The following C3orf20 variants were observed in gnomAD, a reference collection of about 807,000 sequenced individuals.
C3orf20 encodes family with sequence similarity 149 member C.
Under a neutral mutation model 88.3 loss-of-function variants are expected in C3orf20, and 76 were observed. The ratio of observed to expected loss-of-function variants is 0.86; its 90% CI spans 0.72 to 1.04. The LOEUF (loss-of-function observed/expected upper bound fraction) is 1.04, where lower values mean the gene tolerates loss of function less well. C3orf20 is among the 50% of genes least tolerant of loss of function. The pLI is 0.00. For missense variants in C3orf20, 1,056 were observed against 1,123.3 expected, an observed-to-expected ratio of 0.94 and a Z score of 0.86; for synonymous variants, 436 against 437.4, an observed-to-expected ratio of 1.00 and a Z score of 0.04.
intron 12 of C3orf20, among the ~76,000 whole-genome samples, chr3:14,735,054 T>C (rs1024281298): frequency 1.4e-5 from 2 of 147,696 alleles, no homozygotes; most frequent in African/African-American, 2.5e-5. Flanking sequence ...TTTAATTTTT[T>C]ACTTTCACCC....
Position 14,701,409 on chromosome 3 carries a change from G to A in C3orf20, c.746-1721G>A, listed in dbSNP as rs2033254947. Among the ~76,000 whole-genome samples, 1 of 152,130 alleles carries A rather than the reference G, an allele frequency of 6.6e-6. No individual in the cohort carries two copies. The highest frequency in any genetic ancestry group is 1.5e-5 in the Non-Finnish European group (1 of 68,028). ...CCTGCATACTTCGAGGCTGCAGCTG[G>A]GTGGGAGTCAGAGGTTCATTGTAGG... On this transcript the variant is annotated intron_variant, in intron 5 of 16. Transcript: ENST00000253697. This position sits in a 1 kb window ranked among gnomAD's most constrained non-coding sequence, Gnocchi z 4.6.
intron 12 of C3orf20, among the ~76,000 whole-genome samples, chr3:14,750,451 G>A (rs751380538): frequency 3.3e-5 from 5 of 151,960 alleles, no homozygotes; most frequent in Non-Finnish European, 7.4e-5. Flanking sequence ...AGCTACTCAG[G>A]AGGCTAAGAT....
chr3:14,761,481 C>CG lies in C3orf20; in HGVS notation c.2367dup (p.Lys790GlufsTer39), dbSNP rs762124133. On this transcript the variant is annotated frameshift_variant, in exon 15 of 17. Coordinates refer to ENST00000253697, the MANE Select transcript of C3orf20 (RefSeq NM_032137.5). LOFTEE classifies it high-confidence loss of function. ...TTCCTTCCTGTCAACAGATGTTTGC[C>CG]GGGGGGAAGCTCATTTTTGGGGGCC... is the stretch of plus-strand genomic sequence containing the variant. 8 of 1,613,740 alleles carry CG rather than the reference C, an allele frequency of 5.0e-6. No individual in the cohort carries two copies. The Admixed American group carries it at 5.0e-5, about 10-fold the overall frequency.
intron 12 of C3orf20, among the ~76,000 whole-genome samples, chr3:14,737,128 T>C (rs1361632546): frequency 6.6e-6 from 1 of 152,234 alleles, no homozygotes; most frequent in Admixed American, 6.5e-5. Context: ...ACTTATCCAG[T>C]TTGTAGAACT....
intron 12 of C3orf20, among the ~76,000 whole-genome samples, chr3:14,757,168 C>T (rs1307999972): frequency 6.6e-6 from 1 of 152,186 alleles, no homozygotes; most frequent in East Asian, 1.9e-4. Flanking sequence ...GAAGGAGTAA[C>T]TTGTTACTCT....
intron 5 of C3orf20, among the ~76,000 whole-genome samples, chr3:14,693,063 T>G (rs534763142): frequency 3.9e-5 from 6 of 152,338 alleles, no homozygotes; most frequent in African/African-American, 1.4e-4. Flanking sequence ...GGCTCTGTAT[T>G]GTGTTTCACT....
Position 14,721,720 on chromosome 3 carries a change from A to G in C3orf20, c.1502A>G (p.Asn501Ser). The change falls in exon 10 of 17, where the codon AAT (asparagine) becomes AGT (serine). Residue 501 changes from asparagine (N) to serine (S), a missense_variant. Asn to Ser is a conservative substitution (Grantham distance 46, BLOSUM62 1). Coordinates refer to ENST00000253697, the MANE Select transcript of C3orf20 (RefSeq NM_032137.5). The stretch of plus-strand genomic sequence containing the variant: ...ATCACAGTCACCTTCACCTCCCTGA[A>G]TGAGACAGTAACACTCACTGTGTCG... ...DSITVTFTSL[N>S]ETVTLTVSAN... is the part of the protein sequence containing the mutation. The G allele has an allele frequency of 6.2e-7, 1 of 1,614,230 alleles. No individual in the cohort carries two copies.
intron 13 of C3orf20, among the ~76,000 whole-genome samples, chr3:14,758,109 A>T (rs561024867): frequency 1.3e-4 from 20 of 152,184 alleles, no homozygotes; most frequent in Non-Finnish European, 2.9e-4. Context: ...ACCCAGCATG[A>T]CTCAGATGCA....
Position 14,694,752 on chromosome 3 carries a change from G to C in C3orf20, c.745+4636G>C, listed in dbSNP as rs557425190. Among the ~76,000 whole-genome samples the C allele has an allele frequency of 2.6e-5, 4 of 150,976 alleles. No individual in the cohort carries two copies. In the East Asian group the frequency reaches 7.8e-4, roughly 29 times the overall value. On this transcript the variant is annotated intron_variant, in intron 5 of 16. Transcript: ENST00000253697. ...TGTTTGGTTTGCTCTTGCTTTTCTA[G>C]TTCTTTAAGTTGCATCATTGGGTTG...
intron 10 of C3orf20, among the ~76,000 whole-genome samples, chr3:14,726,323 G>A (rs2034343036): frequency 6.6e-6 from 1 of 152,226 alleles, no homozygotes; most frequent in South Asian, 2.1e-4. Context: ...TGTAACCTTG[G>A]CCAGAGGCAG....
intron 7 of C3orf20, among the ~76,000 whole-genome samples, chr3:14,712,817 A>C (rs998210429): frequency 6.6e-6 from 1 of 151,990 alleles, no homozygotes; most frequent in Non-Finnish European, 1.5e-5. Context: ...TCCCTTCAGC[A>C]TTTTTTTGCA....
intron 10 of C3orf20, among the ~76,000 whole-genome samples, chr3:14,724,680 A>G (rs560506356): frequency 6.6e-6 from 1 of 152,244 alleles, no homozygotes; most frequent in Non-Finnish European, 1.5e-5. Flanking sequence ...TGATATGTTG[A>G]CATACCCTAT....
chr3:14,760,606 C>CTTTTTTT (rs33982218), intron 14 of C3orf20, among the ~76,000 whole-genome samples: 4 of 97,804 alleles, frequency 4.1e-5, no homozygotes, highest in Non-Finnish European at 7.7e-5. Context: ...AGTCTGTCTT[C>CTTTTTTT]TTTTTTTTTT....
intron 12 of C3orf20, among the ~76,000 whole-genome samples, chr3:14,748,081 C>A (rs2035109786): frequency 6.6e-6 from 1 of 151,800 alleles, no homozygotes; most frequent in African/African-American, 2.4e-5. Context: ...AGGTAGAATT[C>A]ACAAGTGAAA....
At chr3:14,679,868 C>T (rs1488708882) in intron 1 of C3orf20, among the ~76,000 whole-genome samples, 1 of 152,076 alleles carries the variant, frequency 6.6e-6, no homozygotes, top group Non-Finnish European at 1.5e-5. Flanking sequence ...GGTCTGAATA[C>T]ACATTTCTCA....
At chr3:14,741,038 G>A (rs2034884134) in intron 12 of C3orf20, among the ~76,000 whole-genome samples, 2 of 152,174 alleles carry the variant, frequency 1.3e-5, no homozygotes, top group African/African-American at 4.8e-5. Flanking sequence ...GCCAGATATT[G>A]TGTATGAAAA....
chr3:14,682,145 C>G (rs536705949), intron 1 of C3orf20, 25 bp from the exon 2 acceptor site: 1 of 153,184 alleles, frequency 6.5e-6, no homozygotes, highest in South Asian at 2.1e-4. Context: ...ATGCATTGTC[C>G]TCATTCTTTC....
intron 12 of C3orf20, among the ~76,000 whole-genome samples, chr3:14,741,986 T>A (rs1020727394): frequency 6.6e-6 from 1 of 152,190 alleles, no homozygotes; most frequent in Non-Finnish European, 1.5e-5. Context: ...CTGGTGGGCA[T>A]GTCTGATGGA....
intron 15 of C3orf20, 43 bp downstream of exon 15, chr3:14,761,658 G>A (rs1227527944): frequency 2.0e-6 from 3 of 1,498,988 alleles, no homozygotes; most frequent in Non-Finnish European, 2.7e-6. Flanking sequence ...GCCTGGGGAG[G>A]TATGGAGGGC....
Sources: gnomAD v4.1 joint callset for allele counts (sites outside exome capture counted in the v4.1 genomes callset) on GRCh38, gnomAD v4.1.1 for gene constraint, Gnocchi (gnomAD v3.1) non-coding constraint, MANE v1.5 for transcripts, NCBI Gene and HGNC (gene_info 2026-07-23, HGNC 2026-07-21) for gene names.